Variants in RARB observed in about 807,000 individuals in gnomAD.
RARB encodes the protein HBV-activated protein.
A neutral mutation model predicts 51.9 loss-of-function variants in RARB; 17 were observed. That is an observed-to-expected ratio of 0.33 (90% CI 0.22 to 0.49). The LOEUF is 0.49. Among genes scored for constraint, RARB ranks in the 20% least tolerant of loss-of-function variants. The probability of loss-of-function intolerance (pLI) is 0.99; values close to 1 mark genes in which losing one functional copy is unlikely to be tolerated. For synonymous variants in RARB, 215 were observed against 195.4 expected (o/e 1.10, Z -0.84); for missense variants, 369 against 550.8 (o/e 0.67, Z 3.30).
chr3:25,231,201 A>G (rs1319552653), intron 5 of RARB, among the ~76,000 whole-genome samples: 2 of 152,148 alleles, frequency 1.3e-5, no homozygotes, highest in African/African-American at 2.4e-5. Context: ...GTTTGAAGGT[A>G]AAAACTCAAC....
At chr3:25,186,867 C>T (rs912621185) in intron 5 of RARB, among the ~76,000 whole-genome samples, 1 of 123,926 alleles carries the variant, frequency 8.1e-6, no homozygotes, top group African/African-American at 3.0e-5. Flanking sequence ...AAATGAAGAC[C>T]CAAAGAAAAA....
chr3:24,910,126 G>GCAGT (rs1400562099), intron 2 of RARB, among the ~76,000 whole-genome samples: 4 of 152,026 alleles, frequency 2.6e-5, no homozygotes, highest in Non-Finnish European at 4.4e-5. Flanking sequence ...TGAACCTCAG[G>GCAGT]CAGTCTGACT....
intron 1 of RARB, among the ~76,000 whole-genome samples, chr3:24,858,361 T>C (rs1413412693): frequency 6.6e-6 from 1 of 152,152 alleles, no homozygotes; most frequent in African/African-American, 2.4e-5. Context: ...TTGCCACCTG[T>C]GTGAATTCTT....
chr3:25,527,849 C>G (rs909564309), intron 3 of RARB, among the ~76,000 whole-genome samples: 14 of 152,136 alleles, frequency 9.2e-5, no homozygotes, highest in African/African-American at 3.1e-4. Flanking sequence ...CTGTAAACCT[C>G]CAAAGAAAAG....
intron 5 of RARB, among the ~76,000 whole-genome samples, chr3:25,586,102 C>T (rs1032880262): frequency 1.3e-5 from 2 of 152,160 alleles, no homozygotes; most frequent in Non-Finnish European, 1.5e-5. Flanking sequence ...CACCTCGTGG[C>T]ACTGCCTCGA....
At chr3:25,362,126 G>T (rs1370062048) in intron 5 of RARB, among the ~76,000 whole-genome samples, 1 of 152,168 alleles carries the variant, frequency 6.6e-6, no homozygotes, top group Non-Finnish European at 1.5e-5. Flanking sequence ...ATAGAGAGAT[G>T]GGAGTTTTAT....
At chr3:25,154,775 A>G (rs776007830) in intron 4 of RARB, among the ~76,000 whole-genome samples, 3 of 152,082 alleles carry the variant, frequency 2.0e-5, no homozygotes, top group Admixed American at 1.3e-4. Context: ...TTCAGTTGTC[A>G]CCTTTCCCCA....
chr3:25,072,477 G>C (rs557370515), intron 3 of RARB, among the ~76,000 whole-genome samples: 21 of 152,114 alleles, frequency 1.4e-4, no homozygotes, highest in Admixed American at 1.4e-3. Context: ...TGGGAGGAAA[G>C]ATCCATTTTT....
At chr3:25,502,770 C>T (rs1432779564) in intron 3 of RARB, among the ~76,000 whole-genome samples, 1 of 152,130 alleles carries the variant, frequency 6.6e-6, no homozygotes, top group African/African-American at 2.4e-5. Flanking sequence ...GCCACAAGTA[C>T]CCCTGGTGGC....
chr3:24,883,567 C>T (rs1311477045), intron 2 of RARB, among the ~76,000 whole-genome samples: 1 of 151,988 alleles, frequency 6.6e-6, no homozygotes, highest in Non-Finnish European at 1.5e-5. Context: ...ATCATCAAAC[C>T]ATCAGTCTTG....
At chr3:25,405,488 A>G (rs891355383) in intron 5 of RARB, among the ~76,000 whole-genome samples, 1 of 152,134 alleles carries the variant, frequency 6.6e-6, no homozygotes, top group Non-Finnish European at 1.5e-5. Flanking sequence ...ACTTAAGAGA[A>G]CTCCTCTGCT....
At position 25,594,535 on chromosome 3, in the gene RARB, A is replaced by C; in HGVS notation, c.1007A>C (p.Glu336Ala). 6.2e-7 allele frequency: 1 copy of C among 1,610,164 alleles called. No homozygotes were observed. The highest frequency in any genetic ancestry group is 1.3e-5 in the African/African-American group (1 of 74,516). ...TGGTATCCAGACCGCCAGGACCTTG[A>C]GGAACCGACAAAAGTAGATAAGCTA... is the stretch of plus-strand genomic sequence containing the variant. ...CLICGDRQDL[E>A]EPTKVDKLQE... is the part of the protein sequence containing the mutation. The change falls in exon 7 of 8, where the codon GAG (glutamate) becomes GCG (alanine). Residue 336 changes from glutamate to alanine, a missense_variant. Glu to Ala is a moderately radical substitution (Grantham distance 107). This residue lies in a region of RARB where 76 missense variants were observed against 153.3 expected (regional missense o/e 0.50). Transcript: ENST00000330688.
chr3:25,352,346 T>C (rs13073683), intron 5 of RARB: 62,677 of 151,960 alleles, frequency 0.41, 13,170 homozygotes, highest in South Asian at 0.5. Flanking sequence ...GCTTAGCTTC[T>C]AAGATCAGAT....
At chr3:25,157,400 G>A (rs984612899) in intron 4 of RARB, among the ~76,000 whole-genome samples, 3 of 146,098 alleles carry the variant, frequency 2.1e-5, no homozygotes, top group Non-Finnish European at 4.5e-5. Flanking sequence ...GGTTTTTTTT[G>A]TTGTTGTTTT....
chr3:24,850,063 T>A (rs1412607790), intron 1 of RARB, among the ~76,000 whole-genome samples: 1 of 152,248 alleles, frequency 6.6e-6, no homozygotes, highest in Non-Finnish European at 1.5e-5. Flanking sequence ...TCCTTTTATT[T>A]GTGTCCTTAC....
intron 5 of RARB, among the ~76,000 whole-genome samples, chr3:25,302,467 A>G (rs74608079): frequency 0.084 from 12,848 of 152,268 alleles, 1,530 homozygotes; most frequent in African/African-American, 0.27. Context: ...CAACATGGAT[A>G]AACCCTGAAT....
At chr3:25,034,141 C>G (rs1846555) in intron 2 of RARB, among the ~76,000 whole-genome samples, 96,366 of 151,758 alleles carry the variant, frequency 0.63, 31,122 homozygotes, top group East Asian at 0.93. Flanking sequence ...GAAACCCCGT[C>G]TCTACTAAAA....
intron 5 of RARB, among the ~76,000 whole-genome samples, chr3:25,315,430 G>A (rs1393138553): frequency 3.3e-5 from 5 of 152,136 alleles, no homozygotes; most frequent in African/African-American, 1.2e-4. Context: ...ACCCCTCCCA[G>A]GTCTTGGAAG....
intron 5 of RARB, among the ~76,000 whole-genome samples, chr3:25,360,299 C>T (rs1237640100): frequency 6.6e-6 from 1 of 152,030 alleles, no homozygotes; most frequent in Non-Finnish European, 1.5e-5. Context: ...GATTGCAACA[C>T]TTGCTTTTTT....
Sources: gnomAD v4.1 joint callset for allele counts (sites outside exome capture counted in the v4.1 genomes callset) on GRCh38, gnomAD v4.1.1 for gene constraint, gnomAD v4.1.1 regional missense constraint, MANE v1.5 for transcripts, NCBI Gene and HGNC (gene_info 2026-07-23, HGNC 2026-07-21) for gene names.